Variants in WNT4 observed in about 807,000 individuals in gnomAD.
WNT4 encodes protein Wnt-4.
Under a neutral mutation model 34.5 loss-of-function variants are expected in WNT4, and 16 were observed. The observed-to-expected ratio is 0.46, with a 90% CI of 0.31 to 0.70. The LOEUF (loss-of-function observed/expected upper bound fraction) is 0.70. WNT4 is among the 30% of genes least tolerant of loss of function. WNT4 has a pLI of 0.04. For missense variants in WNT4, 379 were observed against 495.9 expected, an observed-to-expected ratio of 0.76 and a Z score of 2.24; for synonymous variants, 200 against 211.9, an observed-to-expected ratio of 0.94 and a Z score of 0.49.
intron 1 of WNT4, 134 bp from the exon 2 acceptor site, chr1:22,129,985 T>A: frequency 9.7e-7 from 1 of 1,030,338 alleles, no homozygotes; most frequent in Non-Finnish European, 1.5e-6. Flanking sequence ...GACTTCTCTC[T>A]GGATCCAGTT....
rs901795930 is a variant in WNT4 at position 22,137,391 on chromosome 1, C to T, written c.77+5455G>A. On this transcript the variant is annotated intron_variant, in intron 1 of 4. Transcript: ENST00000290167. The surrounding 1 kb of genome is among the most constrained non-coding windows in gnomAD (Gnocchi z 5.3). ...GGGGTCGCAGCTCTGCCTGCAGCTG[C>T]GCCTGCTCCATGCAGTGAAGGGGTG... is the stretch of plus-strand genomic sequence containing the variant. Among the ~76,000 whole-genome samples the T allele has an allele frequency of 7.9e-5, 12 of 152,180 alleles. No individual in the cohort carries two copies. Among genetic ancestry groups the T allele is most frequent in the African/African-American group, 2.4e-4 (10 of 41,440 alleles).
chr1:22,134,879 T>A lies in WNT4; in HGVS notation c.78-5028A>T, dbSNP rs1646010346. Among the ~76,000 whole-genome samples the A allele has an allele frequency of 6.6e-6, 1 of 152,180 alleles. No individual in the cohort carries two copies. On this transcript the variant is annotated intron_variant, in intron 1 of 4. Transcript: ENST00000290167. The surrounding 1 kb of genome is among the most constrained non-coding windows in gnomAD (Gnocchi z 4.1). ...TTTTTGCTTGGGTCTCTTGGCCCTC[T>A]TAGTCCTGGGTTCCCAGTCTTTTTT...
At position 22,139,857 on chromosome 1, in the gene WNT4, C is replaced by T. The variant is rs926155581; in HGVS notation, c.77+2989G>A. Among the ~76,000 whole-genome samples the T allele has an allele frequency of 1.3e-5, 2 of 152,332 alleles. No homozygotes were observed. Among genetic ancestry groups the T allele is most frequent in the East Asian group, 1.9e-4 (1 of 5,182 alleles). On this transcript the variant is annotated intron_variant, in intron 1 of 4. Coordinates refer to ENST00000290167, the MANE Select transcript of WNT4 (RefSeq NM_030761.5). This position sits in a 1 kb window ranked among gnomAD's most constrained non-coding sequence, Gnocchi z 4.6. ...CCCCAGGGACTCTTCATCCATCGGG[C>T]CCTCCCTCAGTGGTGGGAGCCGTCA...
intron 1 of WNT4, among the ~76,000 whole-genome samples, chr1:22,136,871 G>A (rs749778525): frequency 2.1e-4 from 32 of 152,174 alleles, no homozygotes; most frequent in Non-Finnish European, 3.1e-4. Context: ...TTGGGTTGCC[G>A]GAACAGCTGG....
In WNT4 at chr1:22,140,594, C is replaced by G. The variant is rs961005202; in HGVS notation, c.77+2252G>C. Among the ~76,000 whole-genome samples the G allele has an allele frequency of 6.6e-6, 1 of 152,152 alleles. No homozygotes were observed. The highest frequency in any genetic ancestry group is 1.5e-5 in the Non-Finnish European group (1 of 68,024). ...GGAGGCCAGGCTGTGACATCCATTT[C>G]CCCCAGAGCTGCCATTCCTGGCCAG... On this transcript the variant is annotated intron_variant, in intron 1 of 4. Transcript: ENST00000290167. This position sits in a 1 kb window ranked among gnomAD's most constrained non-coding sequence, Gnocchi z 5.9.
rs1368762198 is a variant in WNT4 at position 22,142,506 on chromosome 1, T to G, written c.77+340A>C. ...TTCCTCAGCGACCTGTCAGCCCGGC[T>G]GGACTGCAACCCGCGTCCGGCGCCC... On this transcript the variant is annotated intron_variant, in intron 1 of 4. Coordinates refer to ENST00000290167, the MANE Select transcript of WNT4 (RefSeq NM_030761.5). This position sits in a 1 kb window ranked among gnomAD's most constrained non-coding sequence, Gnocchi z 6.0. 6.6e-6 allele frequency among the ~76,000 whole-genome samples: 1 copy of G among 152,190 alleles called. No individual in the cohort carries two copies. Among genetic ancestry groups the G allele is most frequent in the Non-Finnish European group, 1.5e-5 (1 of 68,032 alleles).
chr1:22,130,153 C>A (rs1267416907), intron 1 of WNT4, among the ~76,000 whole-genome samples: 2 of 152,226 alleles, frequency 1.3e-5, no homozygotes, highest in African/African-American at 4.8e-5. Context: ...AGCCCCCGTG[C>A]CACTGTCTGT....
chr1:22,138,890 C>T lies in WNT4; in HGVS notation c.77+3956G>A, dbSNP rs189425951. Among the ~76,000 whole-genome samples the T allele has an allele frequency of 1.6e-3, 246 of 152,336 alleles. 3 individuals are homozygous for T. The highest frequency in any genetic ancestry group is 5.6e-3 in the African/African-American group (231 of 41,582). On this transcript the variant is annotated intron_variant, in intron 1 of 4. Transcript: ENST00000290167. The stretch of plus-strand genomic sequence containing the variant: ...AACTGTCCCCCGGCCCCCGGGCAAG[C>T]AGGCTCAGGGGAGCTTGGCCGGAAG...
intron 4 of WNT4, 43 bp from the exon 5 acceptor site, chr1:22,120,560 A>AG: frequency 6.4e-7 from 1 of 1,562,938 alleles, no homozygotes; most frequent in Non-Finnish European, 8.7e-7. Flanking sequence ...GGAGATGGCA[A>AG]GGGAAGGCAG....
intron 2 of WNT4, among the ~76,000 whole-genome samples, chr1:22,125,476 C>G (rs991255467): frequency 2.0e-5 from 3 of 152,162 alleles, no homozygotes; most frequent in African/African-American, 7.2e-5. Context: ...GAGGGACGCC[C>G]AAGACCACAG....
chr1:22,143,001 C>T lies in WNT4; in HGVS notation c.-79G>A, dbSNP rs1646084965. The T allele has an allele frequency of 6.4e-6, 5 of 783,336 alleles. No individual in the cohort carries two copies. The highest frequency in any genetic ancestry group is 7.7e-6 in the Non-Finnish European group (5 of 649,756). The allele number at this position is 783,336 out of a possible 1,614,324, so 48.5% of individuals were successfully genotyped here. On this transcript the variant is annotated 5_prime_UTR_variant, in exon 1 of 5. Coordinates refer to ENST00000290167, the MANE Select transcript of WNT4 (RefSeq NM_030761.5). ...CCCGTCGGGGCTGCAGGTGGGCGCC[C>T]GCGGGCGGGCCGGGGCGCGCGCGGC...
rs532535048 is a variant in WNT4 at position 22,140,868 on chromosome 1, C to T, written c.77+1978G>A. Among the ~76,000 whole-genome samples the T allele has an allele frequency of 6.6e-6, 1 of 152,360 alleles. No individual in the cohort carries two copies. The highest frequency in any genetic ancestry group is 1.5e-5 in the Non-Finnish European group (1 of 68,030). The stretch of plus-strand genomic sequence containing the variant: ...GAGAACAGGTTTGCCAACCTCTCTT[C>T]TCCTAGGCTGCCCCTCCTCACCCCA... On this transcript the variant is annotated intron_variant, in intron 1 of 4. Transcript: ENST00000290167. This position sits in a 1 kb window ranked among gnomAD's most constrained non-coding sequence, Gnocchi z 5.9.
At position 22,140,291 on chromosome 1, in the gene WNT4, C is replaced by T; in HGVS notation, c.77+2555G>A. On this transcript the variant is annotated intron_variant, in intron 1 of 4. Transcript: ENST00000290167. This position sits in a 1 kb window ranked among gnomAD's most constrained non-coding sequence, Gnocchi z 5.9. Reference sequence around the variant, plus strand: ...TAGAGGCAGCTTTTCAGTCGGACACCTCTGGCATTTACCAGCTGGGTGACT... The same window carrying T: ...TAGAGGCAGCTTTTCAGTCGGACACTTCTGGCATTTACCAGCTGGGTGACT... 1.0e-6 allele frequency: 1 copy of T among 985,440 alleles called. No homozygotes were observed. The highest frequency in any genetic ancestry group is 1.2e-6 in the Non-Finnish European group (1 of 829,914). The allele number at this position is 985,440 out of a possible 1,614,324, so 61.0% of individuals were successfully genotyped here.
chr1:22,120,665 G>A (rs1278895188), intron 4 of WNT4, 148 bp from the exon 5 acceptor site: 11 of 768,192 alleles, frequency 1.4e-5, no homozygotes, highest in Admixed American at 7.3e-5. Context: ...GGAATTACGC[G>A]GTACTGGGCT....
In WNT4 at chr1:22,121,281, C is replaced by T. The variant is rs138491414; in HGVS notation, c.518G>A (p.Arg173Gln). The change falls in exon 4 of 5, where the codon CGG becomes CAG. Residue 173 changes from arginine to glutamine, a missense_variant. By Grantham distance (43) the Arg-to-Gln change is conservative. This residue lies in a region of WNT4 where 313 missense variants were observed against 445.8 expected (regional missense o/e 0.70). Transcript: ENST00000290167. ...VAFSQSFVDV[R>Q]ERSKGASSSR... ...GGACGAGGCCCCCTTGCTTCTCTCC[C>T]GCACATCCACAAACGACTGTGAGAA... The T allele has an allele frequency of 8.7e-6, 14 of 1,614,032 alleles. No individual in the cohort carries two copies. Among genetic ancestry groups the T allele is most frequent in the Middle Eastern group, 1.6e-4 (1 of 6,084 alleles).
chr1:22,122,676 A>AGCGGAG (rs1645910713), intron 2 of WNT4, among the ~76,000 whole-genome samples: 1 of 152,026 alleles, frequency 6.6e-6, no homozygotes, highest in African/African-American at 2.4e-5. Flanking sequence ...GCAGGAGCGG[A>AGCGGAG]GGGGGCAGGC....
chr1:22,120,995 A>G (rs1281616736), intron 4 of WNT4, among the ~76,000 whole-genome samples: 1 of 151,922 alleles, frequency 6.6e-6, no homozygotes, highest in Non-Finnish European at 1.5e-5. Context: ...GGGGGGCCAT[A>G]TGTATGGAGG....
In WNT4 at chr1:22,137,860, G is replaced by A. The variant is rs1026954111; in HGVS notation, c.77+4986C>T. Reference sequence around the variant, plus strand: ...CACACTTCCTGCCACCCACCTCTGTGCCTTTTAGTATCACCTGAGCCTCAG... The same window carrying A: ...CACACTTCCTGCCACCCACCTCTGTACCTTTTAGTATCACCTGAGCCTCAG... On this transcript the variant is annotated intron_variant, in intron 1 of 4. Transcript: ENST00000290167. The surrounding 1 kb of genome is among the most constrained non-coding windows in gnomAD (Gnocchi z 5.3). Among the ~76,000 whole-genome samples, 2 of 152,308 alleles carry A rather than the reference G, an allele frequency of 1.3e-5. No individual in the cohort carries two copies. Among genetic ancestry groups the A allele is most frequent in the African/African-American group, 4.8e-5 (2 of 41,566 alleles).
chr1:22,132,489 G>A (rs938311262), intron 1 of WNT4, among the ~76,000 whole-genome samples: 1 of 152,196 alleles, frequency 6.6e-6, no homozygotes, highest in African/African-American at 2.4e-5. Context: ...TCCCACTGTC[G>A]GAGTTGGTGG....
Sources: allele counts gnomAD v4.1 joint callset (sites outside exome capture counted in the v4.1 genomes callset), GRCh38; gene constraint gnomAD v4.1.1; regional missense constraint gnomAD v4.1.1; non-coding constraint Gnocchi (gnomAD v3.1); transcripts MANE v1.5; gene names NCBI Gene and HGNC (gene_info 2026-07-23, HGNC 2026-07-21).